RPSA2: variants seen among roughly 807,000 people sequenced by gnomAD.
RPSA2 encodes ribosomal protein SA 2.
At chr19:23,759,547 G>A in the RPSA2 span, among the ~76,000 whole-genome samples, 1 of 672 alleles carries the variant, frequency 1.5e-3, no homozygotes, top group Non-Finnish European at 0.016. Flanking sequence ...TTTTTGAGAC[G>A]GAGTCTCGCT....
the RPSA2 span, among the ~76,000 whole-genome samples, chr19:23,813,374 C>T: frequency 6.6e-6 from 1 of 152,146 alleles, no homozygotes; most frequent in Admixed American, 6.5e-5. Context: ...TATGCTCTCT[C>T]CATCCCTTAA....
the RPSA2 span, among the ~76,000 whole-genome samples, chr19:23,760,943 G>A: frequency 1.3e-5 from 2 of 151,138 alleles, no homozygotes; most frequent in Non-Finnish European, 2.9e-5. Flanking sequence ...GGGATTACAG[G>A]TGTAAGCTAC....
At chr19:23,791,860 C>T in the RPSA2 span, among the ~76,000 whole-genome samples, 1 of 151,914 alleles carries the variant, frequency 6.6e-6, no homozygotes, top group African/African-American at 2.4e-5. Context: ...CTGCCTCAGT[C>T]TCCTGAGTAG....
the RPSA2 span, among the ~76,000 whole-genome samples, chr19:23,853,630 G>T: frequency 6.6e-6 from 1 of 152,260 alleles, no homozygotes. Flanking sequence ...GTTTTGGGCT[G>T]GTACCGAGTC....
At chr19:23,826,744 G>A in the RPSA2 span, among the ~76,000 whole-genome samples, 1 of 151,954 alleles carries the variant, frequency 6.6e-6, no homozygotes, top group African/African-American at 2.4e-5. Context: ...GGAGTGCAGT[G>A]GGGCGATCTT....
the RPSA2 span, among the ~76,000 whole-genome samples, chr19:23,785,078 G>T: frequency 6.6e-6 from 1 of 152,162 alleles, no homozygotes; most frequent in South Asian, 2.1e-4. Context: ...CCTTAGCCCA[G>T]CCCACAGATG....
At chr19:23,767,092 G>A in the RPSA2 span, among the ~76,000 whole-genome samples, 23 of 151,776 alleles carry the variant, frequency 1.5e-4, 1 homozygote, top group Admixed American at 4.6e-4. Flanking sequence ...AGACAGGTGC[G>A]TGCCACCACG....
chr19:23,867,408 C>A, the RPSA2 span, among the ~76,000 whole-genome samples: 1 of 152,122 alleles, frequency 6.6e-6, no homozygotes, highest in African/African-American at 2.4e-5. Flanking sequence ...GGATATGAGA[C>A]TTACAAATGA....
At chr19:23,832,900 C>T in the RPSA2 span, 43 of 1,551,088 alleles carry the variant, frequency 2.8e-5, no homozygotes, top group East Asian at 7.4e-5. Flanking sequence ...ATGTGAGGAA[C>T]GTGGCAAATC....
chr19:23,815,508 C>G, the RPSA2 span, among the ~76,000 whole-genome samples: 1 of 152,148 alleles, frequency 6.6e-6, no homozygotes, highest in African/African-American at 2.4e-5. Context: ...TACAGTTACT[C>G]TTCGCCTTCA....
chr19:23,787,789 A>G, the RPSA2 span, among the ~76,000 whole-genome samples: 1 of 152,182 alleles, frequency 6.6e-6, no homozygotes, highest in Non-Finnish European at 1.5e-5. Context: ...ATGGTGAAAT[A>G]TTAATGAACT....
the RPSA2 span, among the ~76,000 whole-genome samples, chr19:23,780,998 A>G: frequency 6.6e-6 from 1 of 152,102 alleles, no homozygotes; most frequent in African/African-American, 2.4e-5. Context: ...TTTCTTTGAG[A>G]CAGTCTCGCT....
chr19:23,845,273 A>ATTTTTTTTTTTTTTTTTTTT, the RPSA2 span, among the ~76,000 whole-genome samples: 1 of 143,128 alleles, frequency 7.0e-6, no homozygotes, highest in African/African-American at 2.6e-5. Flanking sequence ...GTTCTGATTT[A>ATTTTTTTTTTTTTTTTTTTT]TGTTTTTTTT....
chr19:23,773,412 T>C, the RPSA2 span, among the ~76,000 whole-genome samples: 1 of 151,808 alleles, frequency 6.6e-6, no homozygotes, highest in Non-Finnish European at 1.5e-5. Context: ...GCGTCCTGAG[T>C]AGCTGGGATT....
At chr19:23,828,819 T>C in the RPSA2 span, among the ~76,000 whole-genome samples, 3 of 152,022 alleles carry the variant, frequency 2.0e-5, no homozygotes, top group South Asian at 6.2e-4. Flanking sequence ...TTCTTTCTTG[T>C]TTTAGTTTTA....
At chr19:23,789,868 G>A in the RPSA2 span, among the ~76,000 whole-genome samples, 3 of 151,922 alleles carry the variant, frequency 2.0e-5, no homozygotes, top group Admixed American at 2.0e-4. Flanking sequence ...AGTACAGATA[G>A]GGTTTCACTA....
chr19:23,827,178 A>T, the RPSA2 span: 1 of 946,220 alleles, frequency 1.1e-6, no homozygotes, highest in Admixed American at 2.0e-5. Context: ...GGAGCCCTTG[A>T]TGTCCTGCAA....
At chr19:23,765,871 A>G in the RPSA2 span, among the ~76,000 whole-genome samples, 108 of 152,340 alleles carry the variant, frequency 7.1e-4, no homozygotes, top group African/African-American at 2.5e-3. Context: ...TTTGGATTAC[A>G]CAGATGAACA....
At chr19:23,765,193 G>C in the RPSA2 span, among the ~76,000 whole-genome samples, 1 of 152,168 alleles carries the variant, frequency 6.6e-6, no homozygotes, top group Admixed American at 6.5e-5. Flanking sequence ...CTGTTGGTGG[G>C]AGTGTAAATT....
Sources: allele counts gnomAD v4.1 joint callset (sites outside exome capture counted in the v4.1 genomes callset), GRCh38; gene constraint gnomAD v4.1.1; transcripts MANE v1.5; gene names NCBI Gene and HGNC (gene_info 2026-07-23, HGNC 2026-07-21).